The following CA10 variants were observed in gnomAD, a reference collection of about 807,000 sequenced individuals.
CA10 encodes the protein carbonic anhydrase-related protein 10.
CA10 carries 14 observed loss-of-function variants against 44.2 expected under a neutral mutation model. That is an observed-to-expected ratio of 0.32 (90% CI 0.21 to 0.50). The LOEUF (loss-of-function observed/expected upper bound fraction) is 0.50, where lower values mean the gene tolerates loss of function less well. Ranked by LOEUF, CA10 falls within the 20% of genes least tolerant of loss-of-function variation. The pLI, the probability that CA10 is intolerant of heterozygous loss-of-function variation, is 0.99. For synonymous variants in CA10, 159 were observed against 141.6 expected (o/e 1.12, Z -0.87); for missense variants, 350 against 409.7 (o/e 0.85, Z 1.26).
intron 3 of CA10, among the ~76,000 whole-genome samples, chr17:51,882,234 G>T (rs1252646908): frequency 1.6e-4 from 25 of 152,002 alleles, no homozygotes; most frequent in African/African-American, 5.6e-4. Context: ...ATAAAAGATA[G>T]CTATTTATAT....
intron 4 of CA10, among the ~76,000 whole-genome samples, chr17:51,673,496 C>T (rs1260690746): frequency 6.6e-6 from 1 of 152,190 alleles, no homozygotes; most frequent in Admixed American, 6.5e-5. Context: ...TGGGCGCCTA[C>T]TGAGACTCTT....
At chr17:51,717,723 A>ACATG (rs1598006360) in intron 4 of CA10, among the ~76,000 whole-genome samples, 12 of 51,936 alleles carry the variant, frequency 2.3e-4, no homozygotes, top group East Asian at 8.1e-4. Flanking sequence ...ATATACGTAT[A>ACATG]TATACATATA....
intron 4 of CA10, among the ~76,000 whole-genome samples, chr17:51,723,518 C>A (rs1384465194): frequency 6.6e-6 from 1 of 152,106 alleles, no homozygotes; most frequent in African/African-American, 2.4e-5. Flanking sequence ...CTACTGAGTG[C>A]TCCCGCAGAT....
intron 4 of CA10, among the ~76,000 whole-genome samples, chr17:51,667,153 G>T (rs148157818): frequency 1.3e-5 from 2 of 152,162 alleles, no homozygotes; most frequent in African/African-American, 4.8e-5. Flanking sequence ...GCTCTTACAT[G>T]CCACATAGGA....
At chr17:51,731,461 C>G (rs1916716665) in intron 4 of CA10, among the ~76,000 whole-genome samples, 2 of 152,064 alleles carry the variant, frequency 1.3e-5, no homozygotes, top group African/African-American at 2.4e-5. Flanking sequence ...GTTCTAGAAA[C>G]TGACAGGGAG....
chr17:51,722,390 G>A (rs1365310187), intron 4 of CA10, among the ~76,000 whole-genome samples: 1 of 152,170 alleles, frequency 6.6e-6, no homozygotes, highest in Non-Finnish European at 1.5e-5. Flanking sequence ...TTGTAGGTGT[G>A]TGTGACATTT....
At chr17:51,923,483 G>C (rs963883838) in intron 3 of CA10, among the ~76,000 whole-genome samples, 1 of 152,094 alleles carries the variant, frequency 6.6e-6, no homozygotes, top group African/African-American at 2.4e-5. Context: ...ATCTCAAATA[G>C]TTATTTAAAT....
At chr17:52,079,076 G>T (rs371289812) in intron 1 of CA10, among the ~76,000 whole-genome samples, 1 of 152,164 alleles carries the variant, frequency 6.6e-6, no homozygotes, top group African/African-American at 2.4e-5. Flanking sequence ...CACGAGGTCA[G>T]GAGATCGAGA....
chr17:52,006,023 G>A (rs1985584982), intron 2 of CA10, among the ~76,000 whole-genome samples: 1 of 151,778 alleles, frequency 6.6e-6, no homozygotes, highest in Admixed American at 6.6e-5. Flanking sequence ...ATGCCATATT[G>A]CAACTTTTAT....
intron 3 of CA10, among the ~76,000 whole-genome samples, chr17:51,918,320 T>A (rs1196520202): frequency 1.3e-5 from 2 of 152,332 alleles, no homozygotes; most frequent in East Asian, 1.9e-4. Context: ...AAAAAAATAG[T>A]TTCTGAATAT....
intron 3 of CA10, among the ~76,000 whole-genome samples, chr17:51,792,983 A>C (rs1488414681): frequency 6.6e-6 from 1 of 152,224 alleles, no homozygotes; most frequent in African/African-American, 2.4e-5. Context: ...AGAGCAAAGA[A>C]GAGAAATGCA....
chr17:52,151,008 G>A (rs1208762424), intron 1 of CA10, among the ~76,000 whole-genome samples: 1 of 152,044 alleles, frequency 6.6e-6, no homozygotes, highest in Non-Finnish European at 1.5e-5. Flanking sequence ...TTTTTTTAAT[G>A]TGTTTTGTGA....
chr17:51,801,925 G>C (rs115013118), intron 3 of CA10, among the ~76,000 whole-genome samples: 2,580 of 152,282 alleles, frequency 0.017, 92 homozygotes, highest in African/African-American at 0.059. Context: ...ACTGCTCAGA[G>C]AACAATTACT....
At chr17:51,991,063 G>A (rs1444653082) in intron 2 of CA10, among the ~76,000 whole-genome samples, 1 of 152,104 alleles carries the variant, frequency 6.6e-6, no homozygotes, top group African/African-American at 2.4e-5. Context: ...GTTTTTAACT[G>A]TGTCAACGTG....
chr17:52,121,909 G>A (rs924528615), intron 1 of CA10, among the ~76,000 whole-genome samples: 3 of 152,078 alleles, frequency 2.0e-5, no homozygotes, highest in East Asian at 1.9e-4. Flanking sequence ...CTACTCACTC[G>A]TCCCCAACCT....
intron 4 of CA10, among the ~76,000 whole-genome samples, chr17:51,703,919 G>T (rs2143468389): frequency 8.1e-6 from 1 of 123,860 alleles, no homozygotes; most frequent in African/African-American, 3.3e-5. Flanking sequence ...CAGGGACTGA[G>T]GTTTCCAGGC....
At chr17:52,125,254 T>C (rs975235472) in intron 1 of CA10, among the ~76,000 whole-genome samples, 1 of 152,180 alleles carries the variant, frequency 6.6e-6, no homozygotes, top group African/African-American at 2.4e-5. Flanking sequence ...AAGTACTTAG[T>C]GACTGACTTT....
At chr17:52,082,306 T>A (rs887912592) in intron 1 of CA10, among the ~76,000 whole-genome samples, 4 of 152,096 alleles carry the variant, frequency 2.6e-5, no homozygotes, top group African/African-American at 4.8e-5. Flanking sequence ...CAAAGAAGAG[T>A]GTAACTCAAT....
chr17:51,869,790 G>GA (rs748753248), intron 3 of CA10, among the ~76,000 whole-genome samples: 29 of 152,022 alleles, frequency 1.9e-4, no homozygotes, highest in Non-Finnish European at 3.5e-4. Context: ...GCCAGAGTAG[G>GA]AAAAAAATCA....
Sources: gnomAD v4.1 joint callset for allele counts (sites outside exome capture counted in the v4.1 genomes callset) on GRCh38, gnomAD v4.1.1 for gene constraint, MANE v1.5 for transcripts, NCBI Gene and HGNC (gene_info 2026-07-23, HGNC 2026-07-21) for gene names.